The following DDB2 variants were observed in gnomAD, a reference collection of about 807,000 sequenced individuals.
The protein encoded by DDB2 is DNA damage-binding protein 2.
In DDB2, 27 loss-of-function variants were observed where a neutral mutation model predicts 50.5. The observed-to-expected ratio is 0.53, with a 90% CI of 0.39 to 0.74. The LOEUF (loss-of-function observed/expected upper bound fraction) is 0.74. DDB2 is among the 30% of genes least tolerant of loss of function. The pLI, the probability that DDB2 is intolerant of heterozygous loss-of-function variation, is 0.00. For synonymous variants in DDB2, 176 were observed against 205.5 expected, an observed-to-expected ratio of 0.86 and a Z score of 1.23; for missense variants, 424 against 545.6, an observed-to-expected ratio of 0.78 and a Z score of 2.22.
At chr11:47,225,103 C>G (rs1462475946) in intron 3 of DDB2, among the ~76,000 whole-genome samples, 1 of 151,680 alleles carries the variant, frequency 6.6e-6, no homozygotes, top group Non-Finnish European at 1.5e-5. Flanking sequence ...CCACGCCCAG[C>G]TAATTTTTGT....
chr11:47,230,263 G>C (rs753823942), intron 3 of DDB2, among the ~76,000 whole-genome samples: 3 of 151,982 alleles, frequency 2.0e-5, no homozygotes, highest in Non-Finnish European at 4.4e-5. Context: ...TTGCACCACT[G>C]CATCAAGGTT....
intron 9 of DDB2, 48 bp from the exon 10 acceptor site, chr11:47,238,751 AG>A: frequency 6.2e-7 from 1 of 1,604,206 alleles, no homozygotes; most frequent in Non-Finnish European, 8.5e-7. Flanking sequence ...CCAGGCTCTG[AG>A]AGATTGGTAA....
intron 7 of DDB2, among the ~76,000 whole-genome samples, chr11:47,236,797 T>C (rs1953731580): frequency 6.6e-6 from 1 of 152,262 alleles, no homozygotes; most frequent in South Asian, 2.1e-4. Context: ...TTGGTGTTCC[T>C]GTTAATCCAT....
intron 2 of DDB2, 74 bp from the exon 3 acceptor site, chr11:47,216,784 G>A (rs923956874): frequency 4.1e-6 from 6 of 1,470,620 alleles, no homozygotes; most frequent in Non-Finnish European, 5.7e-6. Flanking sequence ...GCTCATCCAT[G>A]AAGGAGGCAG....
In DDB2 at chr11:47,238,007, G is replaced by A. The variant is rs1953763216; in HGVS notation, c.1188+6G>A. The A allele has an allele frequency of 6.2e-7, 1 of 1,614,158 alleles. No individual in the cohort carries two copies. The highest frequency in any genetic ancestry group is 8.5e-7 in the Non-Finnish European group (1 of 1,180,002). On this transcript the variant is annotated splice_donor_region_variant and intron_variant, in intron 8 of 9. Coordinates refer to ENST00000256996, the MANE Select transcript of DDB2 (RefSeq NM_000107.3). The stretch of plus-strand genomic sequence containing the variant: ...AATCTTCTGGCATCAGTTCGGTGAG[G>A]CTTGGGTCCTCAAATAATGATGGGA...
chr11:47,224,230 AT>A (rs900862349), intron 3 of DDB2, among the ~76,000 whole-genome samples: 18 of 149,360 alleles, frequency 1.2e-4, no homozygotes, highest in African/African-American at 3.2e-4. Flanking sequence ...TGATTTATGG[AT>A]TTTTTTTTTC....
chr11:47,232,806 C>T lies in DDB2; in HGVS notation c.457-8C>T, dbSNP rs1303583928. On this transcript the variant is annotated splice_region_variant and splice_polypyrimidine_tract_variant and intron_variant, in intron 3 of 9. Transcript: ENST00000256996. ...ATCACTCACTGGCTTTTTCCTTCCT[C>T]GTGTTAGATTGGAGCTGGAGGGAGC... 1.2e-5 allele frequency: 19 copies of T among 1,613,112 alleles called. No individual in the cohort carries two copies. The highest frequency in any genetic ancestry group is 2.2e-5 in the South Asian group (2 of 91,028).
At chr11:47,229,669 C>A in intron 3 of DDB2, 2 of 290,108 alleles carry the variant, frequency 6.9e-6, no homozygotes, top group Non-Finnish European at 1.4e-5. Context: ...GTGGTGTTGA[C>A]TTTGAATTGA....
intron 1 of DDB2, 143 bp downstream of exon 1, chr11:47,215,406 C>A: frequency 8.3e-7 from 1 of 1,201,718 alleles, no homozygotes; most frequent in Non-Finnish European, 1.2e-6. Context: ...CCTGCAGGTC[C>A]TTTGACACCA....
intron 3 of DDB2, among the ~76,000 whole-genome samples, chr11:47,226,734 CTTTTT>C (rs542832519): frequency 1.6e-5 from 2 of 124,612 alleles, no homozygotes; most frequent in African/African-American, 3.4e-5. Context: ...AGTCCTTTGC[CTTTTT>C]TTTTTTTTTT....
At chr11:47,238,242 G>T (rs1054705772) in intron 9 of DDB2, 59 bp downstream of exon 9, 2 of 1,486,316 alleles carry the variant, frequency 1.3e-6, no homozygotes, top group African/African-American at 2.8e-5. Flanking sequence ...CCAAGGTTCA[G>T]TGCGGGCCAG....
chr11:47,228,978 TATCTATCTATC>T (rs1203977204), intron 3 of DDB2, among the ~76,000 whole-genome samples: 2 of 4,156 alleles, frequency 4.8e-4, no homozygotes, highest in Admixed American at 5.2e-3. Context: ...AAAAAAGAAA[TATCTATCTATC>T]TATCTATCTA....
intron 3 of DDB2, among the ~76,000 whole-genome samples, chr11:47,219,508 G>A (rs1231217588): frequency 2.0e-5 from 3 of 151,814 alleles, no homozygotes; most frequent in Non-Finnish European, 2.9e-5. Context: ...CTACAGGTAC[G>A]CACCACCATG....
chr11:47,235,706 C>A, intron 7 of DDB2: 1 of 480,770 alleles, frequency 2.1e-6, no homozygotes, highest in Non-Finnish European at 3.8e-6. Context: ...GTTCTGTCTT[C>A]TCAGCTTCAG....
rs1953379163 is a variant in DDB2 at position 47,214,999 on chromosome 11, T to C, written c.-138T>C. Reference sequence around the variant, plus strand: ...GGTTTGAACAAGCCCTGGGCATGTTTGGCGGGAAGTTGGCTTAGCTCGGCT... The same window carrying C: ...GGTTTGAACAAGCCCTGGGCATGTTCGGCGGGAAGTTGGCTTAGCTCGGCT... On this transcript the variant is annotated 5_prime_UTR_variant, in exon 1 of 10. Transcript: ENST00000256996. The C allele has an allele frequency of 3.1e-6, 4 of 1,294,526 alleles. No homozygotes were observed. Among genetic ancestry groups the C allele is most frequent in the Middle Eastern group, 1.9e-4 (1 of 5,384 alleles). The allele number at this position is 1,294,526 out of a possible 1,614,324, so 80.2% of individuals were successfully genotyped here. A position where few individuals can be genotyped will look rare whatever the true frequency, so the allele number is the denominator to read the frequency against.
At chr11:47,229,385 C>T (rs776043891) in intron 3 of DDB2, among the ~76,000 whole-genome samples, 14 of 151,982 alleles carry the variant, frequency 9.2e-5, no homozygotes, top group South Asian at 2.1e-4. Context: ...GAGGGGCGGC[C>T]GTGGCGCCTG....
chr11:47,228,019 C>T (rs1953584416), intron 3 of DDB2, among the ~76,000 whole-genome samples: 1 of 150,744 alleles, frequency 6.6e-6, no homozygotes, highest in South Asian at 2.1e-4. Context: ...GCACTCCTGT[C>T]ATCCCAGCTA....
At chr11:47,218,154 C>G (rs377551734) in intron 3 of DDB2, among the ~76,000 whole-genome samples, 2 of 152,170 alleles carry the variant, frequency 1.3e-5, no homozygotes, top group Non-Finnish European at 2.9e-5. Flanking sequence ...ACTCCTCCAC[C>G]GTCATTCCCT....
At position 47,216,468 on chromosome 11, in the gene DDB2, A is replaced by G; in HGVS notation, c.260A>G (p.Gln87Arg). ...KLGRASWPSVQQGLQQSFLHT... is the reference protein window; with the variant it reads ...KLGRASWPSVRQGLQQSFLHT... The stretch of plus-strand genomic sequence containing the variant: ...GGCAGAGCTTCCTGGCCATCTGTCC[A>G]GCAGGTAAGGCATTTTTTGCCTCAA... The change falls in exon 2 of 10, where the codon CAG becomes CGG. Residue 87 changes from glutamine to arginine, a missense_variant. Transcript: ENST00000256996. 1 of 1,613,138 alleles carries G rather than the reference A, an allele frequency of 6.2e-7. No homozygotes were observed. Among genetic ancestry groups the G allele is most frequent in the Non-Finnish European group, 8.5e-7 (1 of 1,180,028 alleles).
Sources: gnomAD v4.1 joint callset for allele counts (sites outside exome capture counted in the v4.1 genomes callset) on GRCh38, gnomAD v4.1.1 for gene constraint, MANE v1.5 for transcripts, NCBI Gene and HGNC (gene_info 2026-07-23, HGNC 2026-07-21) for gene names.